The following AGMO variants were observed in gnomAD, a reference collection of about 807,000 sequenced individuals.
The protein encoded by AGMO is alkylglycerol monooxygenase, also known as glyceryl-ether monooxygenase.
Under a neutral mutation model 60.2 loss-of-function variants are expected in AGMO, and 75 were observed. That is an observed-to-expected ratio of 1.25 (90% CI 1.03 to 1.51). AGMO has a LOEUF of 1.51. AGMO is among the 40% of genes most tolerant of loss of function. The pLI is 0.00. For synonymous variants in AGMO, 261 were observed against 177.1 expected (o/e 1.47, Z -3.76); for missense variants, 763 against 525.5 (o/e 1.45, Z -4.42).
At chr7:15,234,827 T>C (rs909369899) in intron 12 of AGMO, among the ~76,000 whole-genome samples, 2 of 152,242 alleles carry the variant, frequency 1.3e-5, no homozygotes, top group African/African-American at 4.8e-5. Flanking sequence ...TTTTGACTTT[T>C]ATTCTACAAT....
the AGMO span, among the ~76,000 whole-genome samples, chr7:15,148,889 C>T: frequency 1.4e-4 from 22 of 152,022 alleles, no homozygotes; most frequent in Admixed American, 8.5e-4. Flanking sequence ...GAGAAAACTC[C>T]GAACTGCTGT....
chr7:15,336,224 A>G (rs898934617), intron 12 of AGMO, among the ~76,000 whole-genome samples: 3 of 152,270 alleles, frequency 2.0e-5, no homozygotes, highest in African/African-American at 7.2e-5. Context: ...TATGATGGCA[A>G]AAGAAATTCA....
intron 12 of AGMO, among the ~76,000 whole-genome samples, chr7:15,340,769 G>A (rs1451394743): frequency 1.3e-5 from 2 of 152,170 alleles, no homozygotes; most frequent in African/African-American, 4.8e-5. Flanking sequence ...CAGGGGTGGA[G>A]CCCTCATGGA....
chr7:15,340,660 C>T (rs769807139), intron 12 of AGMO, among the ~76,000 whole-genome samples: 1 of 152,150 alleles, frequency 6.6e-6, no homozygotes, highest in Non-Finnish European at 1.5e-5. Flanking sequence ...GGTGTTGGTC[C>T]TATGGGTGTG....
intron 3 of AGMO, among the ~76,000 whole-genome samples, chr7:15,451,550 C>A (rs893628410): frequency 6.6e-6 from 1 of 152,016 alleles, no homozygotes; most frequent in African/African-American, 2.4e-5. Context: ...GGTGGACGAG[C>A]AGACAAATTC....
intron 2 of AGMO, among the ~76,000 whole-genome samples, chr7:15,549,823 G>C (rs202027803): frequency 5.3e-4 from 81 of 151,466 alleles, no homozygotes; most frequent in Middle Eastern, 3.4e-3. Context: ...GGACCTAATA[G>C]ACATCTACAG....
At chr7:15,460,941 C>G (rs573711543) in intron 3 of AGMO, among the ~76,000 whole-genome samples, 1 of 151,942 alleles carries the variant, frequency 6.6e-6, no homozygotes, top group Non-Finnish European at 1.5e-5. Context: ...GAGTCATAAT[C>G]AAGAATTATG....
At chr7:15,483,795 A>C (rs1025480689) in intron 3 of AGMO, among the ~76,000 whole-genome samples, 4 of 152,192 alleles carry the variant, frequency 2.6e-5, no homozygotes, top group African/African-American at 9.6e-5. Context: ...AATTTTAAAG[A>C]AAACTCAGTA....
chr7:15,374,365 A>C (rs1261694022), intron 10 of AGMO, among the ~76,000 whole-genome samples: 2 of 152,154 alleles, frequency 1.3e-5, no homozygotes, highest in Non-Finnish European at 2.9e-5. Flanking sequence ...GTGAAAATAT[A>C]TTGGCTAAAA....
chr7:15,239,397 A>G (rs181227471), intron 12 of AGMO, among the ~76,000 whole-genome samples: 1 of 152,248 alleles, frequency 6.6e-6, no homozygotes, highest in Non-Finnish European at 1.5e-5. Flanking sequence ...ATATTAAGCA[A>G]GTTGCTTGGG....
chr7:15,352,525 G>A (rs904772435), intron 12 of AGMO, among the ~76,000 whole-genome samples: 1 of 151,816 alleles, frequency 6.6e-6, no homozygotes, highest in Non-Finnish European at 1.5e-5. Flanking sequence ...GGGCGTTTGG[G>A]TGTTCAGGGG....
At chr7:15,349,294 G>T (rs554320061) in intron 12 of AGMO, among the ~76,000 whole-genome samples, 1 of 152,170 alleles carries the variant, frequency 6.6e-6, no homozygotes, top group Non-Finnish European at 1.5e-5. Flanking sequence ...GCTCCCTAAC[G>T]ATCTGAGTTC....
the AGMO span, among the ~76,000 whole-genome samples, chr7:15,117,865 T>C: frequency 6.6e-6 from 1 of 151,912 alleles, no homozygotes; most frequent in Non-Finnish European, 1.5e-5. Context: ...TATTGATGTA[T>C]TTATTATTCT....
intron 2 of AGMO, among the ~76,000 whole-genome samples, chr7:15,551,477 A>C (rs1217024585): frequency 2.0e-5 from 3 of 149,850 alleles, no homozygotes; most frequent in Admixed American, 6.7e-5. Flanking sequence ...AAGTCTCAGG[A>C]TACAAAATCA....
chr7:15,395,954 G>A (rs1784359720), intron 5 of AGMO: 2 of 152,154 alleles, frequency 1.3e-5, no homozygotes, highest in Admixed American at 6.5e-5. Context: ...AATGGAAGCT[G>A]TGGCAATGTT....
intron 10 of AGMO, among the ~76,000 whole-genome samples, chr7:15,378,595 G>C (rs560263995): frequency 6.6e-6 from 1 of 151,838 alleles, no homozygotes; most frequent in Admixed American, 6.6e-5. Flanking sequence ...CACAATAATA[G>C]TGGGAGACTT....
intron 10 of AGMO, among the ~76,000 whole-genome samples, chr7:15,377,873 T>C (rs2128569883): frequency 6.6e-6 from 1 of 152,100 alleles, no homozygotes; most frequent in East Asian, 1.9e-4. Context: ...GGTTTGATGT[T>C]TAGGTGTGCA....
intron 12 of AGMO, among the ~76,000 whole-genome samples, chr7:15,222,457 A>C (rs1180901377): frequency 1.3e-5 from 2 of 152,112 alleles, no homozygotes; most frequent in Non-Finnish European, 2.9e-5. Flanking sequence ...CGTGATCTTT[A>C]GCATTCACTC....
chr7:15,146,879 G>A, the AGMO span, among the ~76,000 whole-genome samples: 1 of 152,136 alleles, frequency 6.6e-6, no homozygotes, highest in Non-Finnish European at 1.5e-5. Flanking sequence ...TATATTCAGT[G>A]AAATGTAAAG....
Sources: allele counts gnomAD v4.1 joint callset (sites outside exome capture counted in the v4.1 genomes callset), GRCh38; gene constraint gnomAD v4.1.1; transcripts MANE v1.5; gene names NCBI Gene and HGNC (gene_info 2026-07-23, HGNC 2026-07-21).